KIAA0232: variants seen among roughly 807,000 people sequenced by gnomAD.
KIAA0232 encodes the protein KIAA0232, also known as uncharacterized protein KIAA0232.
In KIAA0232, 27 loss-of-function variants were observed where a neutral mutation model predicts 122.0. The ratio of observed to expected loss-of-function variants is 0.22; its 90% CI spans 0.16 to 0.31. KIAA0232 has a LOEUF of 0.31. Among genes scored for constraint, KIAA0232 ranks in the 10% least tolerant of loss-of-function variants. The pLI is 1.00. For synonymous variants in KIAA0232, 613 were observed against 587.6 expected (o/e 1.04, Z -0.63); for missense variants, 1,551 against 1,634.2 (o/e 0.95, Z 0.88).
intron 1 of KIAA0232, among the ~76,000 whole-genome samples, chr4:6,796,722 G>C (rs937444009): frequency 6.6e-6 from 1 of 152,198 alleles, no homozygotes; most frequent in African/African-American, 2.4e-5. Flanking sequence ...TTTTCTTTCA[G>C]CTTGTAATCT....
intron 3 of KIAA0232, among the ~76,000 whole-genome samples, chr4:6,837,740 C>T (rs936829340): frequency 9.2e-5 from 14 of 152,192 alleles, no homozygotes; most frequent in African/African-American, 3.1e-4. Context: ...GGCGAAACCC[C>T]GTCTCCACCA....
chr4:6,793,400 G>A (rs1577353764), intron 1 of KIAA0232, among the ~76,000 whole-genome samples: 1 of 152,122 alleles, frequency 6.6e-6, no homozygotes, highest in African/African-American at 2.4e-5. Flanking sequence ...TAAGAAGTTG[G>A]TACTGAACTG....
At chr4:6,813,911 C>T (rs186349006) in intron 2 of KIAA0232, among the ~76,000 whole-genome samples, 87 of 152,198 alleles carry the variant, frequency 5.7e-4, no homozygotes, top group African/African-American at 1.9e-3. Flanking sequence ...CGTCTGTTCT[C>T]GCCTTACTCC....
chr4:6,860,254 T>C (rs1720783970), intron 6 of KIAA0232, among the ~76,000 whole-genome samples: 1 of 152,132 alleles, frequency 6.6e-6, no homozygotes, highest in Non-Finnish European at 1.5e-5. Flanking sequence ...GAGAGGTAAA[T>C]ATTACTAGCT....
intron 2 of KIAA0232, among the ~76,000 whole-genome samples, chr4:6,812,463 A>G (rs979536995): frequency 3.3e-5 from 5 of 152,150 alleles, no homozygotes; most frequent in Admixed American, 6.5e-5. Flanking sequence ...ATATGAAAGT[A>G]TATGTATGTT....
At chr4:6,852,270 T>C (rs992026800) in intron 4 of KIAA0232, among the ~76,000 whole-genome samples, 17 of 152,186 alleles carry the variant, frequency 1.1e-4, no homozygotes, top group Non-Finnish European at 1.6e-4. Flanking sequence ...TAGAGGAGTT[T>C]TTTTTCACTT....
rs369972968 is a variant in KIAA0232, at chr4:6,873,435, A to G, written c.3910+1753A>G. Among the ~76,000 whole-genome samples, 243 of 152,336 alleles carry G rather than the reference A, an allele frequency of 1.6e-3. 1 individual carries two copies. The highest frequency in any genetic ancestry group is 5.6e-3 in the African/African-American group (232 of 41,578). On this transcript the variant is annotated intron_variant, in intron 8 of 9. Transcript: ENST00000307659. Reference sequence around the variant, plus strand: ...GACACAGACACAGTTAATGGAATGAAGGTGGGATGTGGCCACAGCTGTGCC... The same window carrying G: ...GACACAGACACAGTTAATGGAATGAGGGTGGGATGTGGCCACAGCTGTGCC...
intron 2 of KIAA0232, among the ~76,000 whole-genome samples, chr4:6,809,950 A>AC (rs1479170922): frequency 6.6e-6 from 1 of 152,202 alleles, no homozygotes; most frequent in Non-Finnish European, 1.5e-5. Flanking sequence ...AAATGGAAAA[A>AC]CATCCAATGC....
At position 6,861,341 on chromosome 4, in the gene KIAA0232, G is replaced by A. The variant is rs753792718; in HGVS notation, c.959G>A (p.Arg320Gln). 16 of 1,613,998 alleles carry A rather than the reference G, an allele frequency of 9.9e-6. No homozygotes were observed. Among genetic ancestry groups the A allele is most frequent in the African/African-American group, 6.7e-5 (5 of 74,910 alleles). The change falls in exon 7 of 10, where the codon CGA becomes CAA. Residue 320 changes from arginine (R) to glutamine (Q), a missense_variant. Arg to Gln is a conservative substitution (Grantham distance 43). Around this residue, in one of 5 missense-constraint regions of KIAA0232, gnomAD observed 377 missense variants for 381.7 expected, o/e 0.99. Transcript: ENST00000307659. ...TATGTTAAAGTAAGACACAAGGCACGAGAGATTCGAAACAAAAAAGGGCGG... is the reference window on the plus strand; with the variant it reads ...TATGTTAAAGTAAGACACAAGGCACAAGAGATTCGAAACAAAAAAGGGCGG... ...MKYVKVRHKA[R>Q]EIRNKKGRNG...
rs752838063 is a variant in KIAA0232, at chr4:6,861,350, G to A, written c.968G>A (p.Arg323Gln). 7 of 1,614,046 alleles carry A rather than the reference G, an allele frequency of 4.3e-6. No individual in the cohort carries two copies. The highest frequency in any genetic ancestry group is 5.9e-6 in the Non-Finnish European group (7 of 1,180,006). ...GTAAGACACAAGGCACGAGAGATTC[G>A]AAACAAAAAAGGGCGGAATGGGCAA... Reference protein sequence around the residue: ...VKVRHKAREIRNKKGRNGQSR... With the variant: ...VKVRHKAREIQNKKGRNGQSR... Residue 323 changes from arginine (R) to glutamine (Q), a missense_variant, in exon 7 of 10, where the codon CGA becomes CAA. Physicochemically the swap from Arg to Gln is conservative, Grantham distance 43. This residue lies in a region of KIAA0232 where 377 missense variants were observed against 381.7 expected (regional missense o/e 0.99). Coordinates refer to ENST00000307659, the MANE Select transcript of KIAA0232 (RefSeq NM_014743.3).
In KIAA0232 at chr4:6,883,856, G is replaced by A. The variant is rs1722187910; in HGVS notation, c.*2890G>A. On this transcript the variant is annotated 3_prime_UTR_variant, in exon 10 of 10. Coordinates refer to ENST00000307659, the MANE Select transcript of KIAA0232 (RefSeq NM_014743.3). Reference sequence around the variant, plus strand: ...CAAGCCCCTTTCCAGGATTCTGAATGTACAGTATATATGAATGCATACACA... The same window carrying A: ...CAAGCCCCTTTCCAGGATTCTGAATATACAGTATATATGAATGCATACACA... The A allele has an allele frequency of 1.3e-5, 2 of 152,184 alleles. No individual in the cohort carries two copies. The highest frequency in any genetic ancestry group is 2.1e-4 in the South Asian group (1 of 4,830). 9.4% of individuals were successfully genotyped at this position (152,184 alleles called of 1,614,324 possible).
Position 6,863,804 on chromosome 4 carries a change from T to G in KIAA0232, c.3422T>G (p.Val1141Gly). The G allele has an allele frequency of 5.0e-6, 8 of 1,614,104 alleles. No homozygotes were observed. Among genetic ancestry groups the G allele is most frequent in the Non-Finnish European group, 6.8e-6 (8 of 1,180,012 alleles). Residue 1141 changes from valine to glycine, a missense_variant, in exon 7 of 10, where the codon GTT (valine) becomes GGT (glycine). By Grantham distance (109) the Val-to-Gly change is moderately radical. Transcript: ENST00000307659. Reference protein sequence around the residue: ...DEANIPIPSQVDIFEDPQADL... With the variant: ...DEANIPIPSQGDIFEDPQADL... The stretch of plus-strand genomic sequence containing the variant: ...GCAAATATTCCCATTCCTTCTCAAG[T>G]TGATATATTTGAAGATCCGCAGGCA...
At chr4:6,871,513 A>G in intron 7 of KIAA0232, 61 bp from the exon 8 acceptor site, 1 of 940,960 alleles carries the variant, frequency 1.1e-6, no homozygotes, top group Non-Finnish European at 1.7e-6. Context: ...TAATGCTTGA[A>G]TATTCTTCCT....
intron 2 of KIAA0232, among the ~76,000 whole-genome samples, chr4:6,814,790 G>A (rs879917118): frequency 6.6e-6 from 1 of 152,038 alleles, no homozygotes; most frequent in African/African-American, 2.4e-5. Context: ...CTTTCCACTC[G>A]CCATCCTACC....
At chr4:6,850,565 A>G (rs1303272667) in intron 4 of KIAA0232, among the ~76,000 whole-genome samples, 1 of 152,114 alleles carries the variant, frequency 6.6e-6, no homozygotes, top group African/African-American at 2.4e-5. Context: ...TTCGTTCCTA[A>G]GTAGTTCTCC....
At chr4:6,795,030 C>A (rs1030515339) in intron 1 of KIAA0232, among the ~76,000 whole-genome samples, 35 of 152,126 alleles carry the variant, frequency 2.3e-4, no homozygotes, top group Middle Eastern at 3.4e-3. Flanking sequence ...AGAGGTAAGC[C>A]AGATTGCGCA....
At chr4:6,783,433 C>T (rs1206349433) in intron 1 of KIAA0232, among the ~76,000 whole-genome samples, 3 of 152,318 alleles carry the variant, frequency 2.0e-5, no homozygotes, top group East Asian at 1.9e-4. Context: ...GGTGCTTAGA[C>T]TTGATAGGAC....
At chr4:6,813,450 C>T (rs1456249171) in intron 2 of KIAA0232, among the ~76,000 whole-genome samples, 3 of 151,766 alleles carry the variant, frequency 2.0e-5, no homozygotes, top group African/African-American at 7.3e-5. Flanking sequence ...GCAAGCTCTG[C>T]CTCCCAGGTT....
chr4:6,841,469 A>C (rs964358845), intron 3 of KIAA0232, among the ~76,000 whole-genome samples: 1 of 152,252 alleles, frequency 6.6e-6, no homozygotes, highest in African/African-American at 2.4e-5. Flanking sequence ...AAATATGTTC[A>C]GTTAAACTCA....
Sources: gnomAD v4.1 joint callset for allele counts (sites outside exome capture counted in the v4.1 genomes callset) on GRCh38, gnomAD v4.1.1 for gene constraint, gnomAD v4.1.1 regional missense constraint, MANE v1.5 for transcripts, NCBI Gene and HGNC (gene_info 2026-07-23, HGNC 2026-07-21) for gene names.